The following MAGI1 variants were observed in gnomAD, a reference collection of about 807,000 sequenced individuals.
MAGI1 encodes membrane associated guanylate kinase, WW and PDZ domain containing 1.
Under a neutral mutation model 139.9 loss-of-function variants are expected in MAGI1, and 58 were observed. That is an observed-to-expected ratio of 0.41 (90% CI 0.34 to 0.52). The LOEUF is 0.52. Among genes scored for constraint, MAGI1 ranks in the 20% least tolerant of loss-of-function variants. The pLI, the probability that MAGI1 is intolerant of heterozygous loss-of-function variation, is 0.12. For missense variants in MAGI1, 1,874 were observed against 1,901.6 expected (o/e 0.99, Z 0.27); for synonymous variants, 812 against 737.9 (o/e 1.10, Z -1.63).
intron 2 of MAGI1, among the ~76,000 whole-genome samples, chr3:65,534,044 G>A (rs1172050180): frequency 6.6e-6 from 1 of 152,166 alleles, no homozygotes; most frequent in East Asian, 1.9e-4. Flanking sequence ...GTGAGACAGA[G>A]AACTACCCAG....
intron 1 of MAGI1, among the ~76,000 whole-genome samples, chr3:65,896,380 G>A (rs1056992455): frequency 1.3e-5 from 2 of 150,498 alleles, no homozygotes; most frequent in Non-Finnish European, 3.0e-5. Flanking sequence ...TGTGGTTTAG[G>A]AAGAAGAAAA....
chr3:65,802,557 G>T (rs956055098), intron 1 of MAGI1, among the ~76,000 whole-genome samples: 1 of 152,176 alleles, frequency 6.6e-6, no homozygotes, highest in African/African-American at 2.4e-5. Context: ...ATTGCACCCT[G>T]GGGTTCAGAA....
intron 2 of MAGI1, among the ~76,000 whole-genome samples, chr3:65,621,605 C>T (rs1319441737): frequency 6.6e-6 from 1 of 152,152 alleles, no homozygotes; most frequent in Non-Finnish European, 1.5e-5. Flanking sequence ...TTAATAACAG[C>T]AAATGTTAAC....
intron 1 of MAGI1, among the ~76,000 whole-genome samples, chr3:66,005,891 C>T (rs909393031): frequency 3.3e-5 from 5 of 152,082 alleles, no homozygotes; most frequent in African/African-American, 9.7e-5. Context: ...AAGGGAATCA[C>T]CTGACTTCCA....
chr3:65,689,244 C>T (rs1576742043), intron 1 of MAGI1, among the ~76,000 whole-genome samples: 1 of 152,250 alleles, frequency 6.6e-6, no homozygotes, highest in East Asian at 1.9e-4. Flanking sequence ...GGAAATATGC[C>T]TTAGCTTTTA....
intron 2 of MAGI1, among the ~76,000 whole-genome samples, chr3:65,593,851 C>G (rs1310593240): frequency 6.6e-6 from 1 of 152,148 alleles, no homozygotes; most frequent in Non-Finnish European, 1.5e-5. Flanking sequence ...AAAATCTCCA[C>G]AAACAAAAGC....
rs978272703 is a variant in MAGI1 at position 66,038,407 on chromosome 3, C to A, written c.-99G>T. ...CCGCTTGTTCATGGGAGAAACATCT[C>A]TCCCCAAATCACAAAACAGGAGAGA... On this transcript the variant is annotated 5_prime_UTR_variant, in exon 1 of 23. Transcript: ENST00000402939. The A allele has an allele frequency of 6.2e-6, 9 of 1,453,676 alleles. No individual in the cohort carries two copies. Among genetic ancestry groups the A allele is most frequent in the Non-Finnish European group, 8.2e-6 (9 of 1,099,298 alleles). The allele number at this position is 1,453,676 out of a possible 1,614,324, so 90.0% of individuals were successfully genotyped here.
chr3:65,760,026 A>G (rs1179363235), intron 1 of MAGI1, among the ~76,000 whole-genome samples: 1 of 152,166 alleles, frequency 6.6e-6, no homozygotes, highest in Non-Finnish European at 1.5e-5. Context: ...ATGTAATAGA[A>G]TTGTGTTGGA....
intron 3 of MAGI1, among the ~76,000 whole-genome samples, chr3:65,488,826 C>T (rs763042965): frequency 6.6e-6 from 1 of 152,094 alleles, no homozygotes; most frequent in Admixed American, 6.5e-5. Flanking sequence ...TGCACGCCAC[C>T]GTGCCCAGCT....
rs148358564 is a variant in MAGI1 at position 65,556,894 on chromosome 3, A to G, written c.431-63263T>C. ...CTGCAGCATCATCTCTCAGTATATG[A>G]TTCCAGACTTGTTCTGCTCAATCCG... On this transcript the variant is annotated intron_variant, in intron 2 of 22. Coordinates refer to ENST00000402939, the MANE Select transcript of MAGI1 (RefSeq NM_001033057.2). Among the ~76,000 whole-genome samples, 1,302 of 152,254 alleles carry G rather than the reference A, an allele frequency of 8.6e-3. 9 individuals are homozygous for G. The highest frequency in any genetic ancestry group is 0.027 in the Middle Eastern group (8 of 294).
At chr3:66,028,123 A>G (rs2068392829) in intron 1 of MAGI1, among the ~76,000 whole-genome samples, 1 of 152,142 alleles carries the variant, frequency 6.6e-6, no homozygotes, top group African/African-American at 2.4e-5. Flanking sequence ...TGAGCAATGT[A>G]GTGAAACCCC....
intron 2 of MAGI1, among the ~76,000 whole-genome samples, chr3:65,520,988 C>G (rs1053991453): frequency 2.0e-5 from 3 of 152,164 alleles, no homozygotes; most frequent in Admixed American, 6.5e-5. Context: ...TTAAGAGATT[C>G]TGCAAATTCA....
intron 1 of MAGI1, among the ~76,000 whole-genome samples, chr3:65,976,955 C>T (rs575153928): frequency 6.6e-6 from 1 of 152,138 alleles, no homozygotes; most frequent in Non-Finnish European, 1.5e-5. Context: ...GTGTCTCTTA[C>T]AGGTATTTTC....
At chr3:65,953,371 A>G (rs1191627534) in intron 1 of MAGI1, among the ~76,000 whole-genome samples, 1 of 152,080 alleles carries the variant, frequency 6.6e-6, no homozygotes, top group Non-Finnish European at 1.5e-5. Context: ...CATTTTTTCC[A>G]CTCTTATCTA....
chr3:65,357,441 T>G (rs1440533060), intron 22 of MAGI1, among the ~76,000 whole-genome samples: 1 of 152,162 alleles, frequency 6.6e-6, no homozygotes, highest in Admixed American at 6.5e-5. Context: ...ATAGTCTGTC[T>G]AGAGGCATCA....
chr3:65,838,584 T>C (rs1402103958), intron 1 of MAGI1, among the ~76,000 whole-genome samples: 5 of 152,234 alleles, frequency 3.3e-5, no homozygotes, highest in African/African-American at 1.2e-4. Context: ...CTCTTTATTG[T>C]TGAACAGTAT....
At chr3:65,547,604 A>C (rs2079564890) in intron 2 of MAGI1, among the ~76,000 whole-genome samples, 1 of 152,160 alleles carries the variant, frequency 6.6e-6, no homozygotes, top group Non-Finnish European at 1.5e-5. Context: ...TAAAAGCAGG[A>C]GCTCTGGAGG....
At chr3:65,546,513 C>T (rs538760641) in intron 2 of MAGI1, among the ~76,000 whole-genome samples, 30 of 152,252 alleles carry the variant, frequency 2.0e-4, no homozygotes, top group South Asian at 4.1e-4. Context: ...GTTTAAAACA[C>T]GTTCATCTAT....
chr3:65,702,437 G>A (rs1199504023), intron 1 of MAGI1, among the ~76,000 whole-genome samples: 1 of 152,106 alleles, frequency 6.6e-6, no homozygotes. Context: ...TCACATGGCA[G>A]AGGTGACACA....
Sources: allele counts gnomAD v4.1 joint callset (sites outside exome capture counted in the v4.1 genomes callset), GRCh38; gene constraint gnomAD v4.1.1; transcripts MANE v1.5; gene names NCBI Gene and HGNC (gene_info 2026-07-23, HGNC 2026-07-21).